NFX1: variants seen among roughly 807,000 people sequenced by gnomAD.
NFX1 encodes nuclear transcription factor, X-box binding 1, also known as transcriptional repressor NF-X1.
Under a neutral mutation model 137.2 loss-of-function variants are expected in NFX1, and 69 were observed. The observed-to-expected ratio is 0.50, with a 90% CI of 0.41 to 0.61. The LOEUF (loss-of-function observed/expected upper bound fraction) is 0.61. Among genes scored for constraint, NFX1 ranks in the 20% least tolerant of loss-of-function variants. The pLI is 0.00. For synonymous variants in NFX1, 495 were observed against 474.1 expected (o/e 1.04, Z -0.57); for missense variants, 1,167 against 1,391.0 (o/e 0.84, Z 2.56).
chr9:33,313,988 T>G (rs1386797985), intron 7 of NFX1, among the ~76,000 whole-genome samples, 195 bp downstream of exon 7: 2 of 151,578 alleles, frequency 1.3e-5, no homozygotes, highest in Middle Eastern at 6.3e-3. Context: ...CCTATATAAT[T>G]TTTTTTTTCT....
chr9:33,367,112 C>T (rs1384451381), intron 22 of NFX1, among the ~76,000 whole-genome samples: 1 of 152,250 alleles, frequency 6.6e-6, no homozygotes, highest in African/African-American at 2.4e-5. Context: ...TGTCTGTCCT[C>T]TCCTTGGCTC....
At chr9:33,326,441 G>A (rs1007467042) in intron 9 of NFX1, among the ~76,000 whole-genome samples, 1 of 147,516 alleles carries the variant, frequency 6.8e-6, no homozygotes, top group African/African-American at 2.5e-5. Flanking sequence ...AAAAAAAGCT[G>A]GGCACTGTAG....
chr9:33,307,350 G>C (rs778073373), intron 5 of NFX1, 51 bp downstream of exon 5: 9 of 1,498,194 alleles, frequency 6.0e-6, no homozygotes, highest in Non-Finnish European at 8.4e-6. Context: ...ATGCTTTGCT[G>C]GTGGCTCTAA....
At chr9:33,319,604 G>C (rs758191648) in intron 9 of NFX1, among the ~76,000 whole-genome samples, 3 of 152,146 alleles carry the variant, frequency 2.0e-5, no homozygotes, top group Non-Finnish European at 4.4e-5. Context: ...CTGACTCCTG[G>C]GCTCAAATGA....
chr9:33,309,748 C>G (rs938631337), intron 5 of NFX1, among the ~76,000 whole-genome samples: 1 of 152,226 alleles, frequency 6.6e-6, no homozygotes, highest in East Asian at 1.9e-4. Flanking sequence ...CCACCTCAGC[C>G]TCCCAAAGTG....
At chr9:33,328,826 G>A in intron 10 of NFX1, 148 bp downstream of exon 10, 1 of 591,800 alleles carries the variant, frequency 1.7e-6, no homozygotes, top group South Asian at 2.2e-5. Context: ...AGTGGGATAA[G>A]GCAAATATAC....
At chr9:33,369,097 G>A (rs530128901) in intron 23 of NFX1, among the ~76,000 whole-genome samples, 120 of 151,312 alleles carry the variant, frequency 7.9e-4, no homozygotes, top group Middle Eastern at 3.4e-3. Context: ...ATGGAGTCTC[G>A]CTCTGCCGCC....
At chr9:33,296,421 T>TA (rs1385927502) in intron 2 of NFX1, among the ~76,000 whole-genome samples, 3 of 152,166 alleles carry the variant, frequency 2.0e-5, no homozygotes, top group East Asian at 1.9e-4. Context: ...GACGAAGTCT[T>TA]ACTCATTTTT....
At chr9:33,355,539 C>T (rs979470435) in intron 19 of NFX1, among the ~76,000 whole-genome samples, 5 of 151,758 alleles carry the variant, frequency 3.3e-5, no homozygotes, top group African/African-American at 9.7e-5. Context: ...ATTTTTATTC[C>T]TGCATGATTT....
intron 19 of NFX1, among the ~76,000 whole-genome samples, chr9:33,356,246 T>G (rs1485077633): frequency 5.3e-5 from 8 of 152,248 alleles, no homozygotes. Flanking sequence ...TTGAGCACCT[T>G]TCTTGTAGTT....
intron 21 of NFX1, 48 bp downstream of exon 21, chr9:33,364,822 T>TG (rs1554711441): frequency 5.4e-5 from 86 of 1,588,312 alleles, no homozygotes; most frequent in Non-Finnish European, 7.3e-5. Flanking sequence ...GCCAGCTTGA[T>TG]GAAAAAAAAA....
At chr9:33,291,827 C>T (rs1821172773) in intron 1 of NFX1, among the ~76,000 whole-genome samples, 1 of 152,190 alleles carries the variant, frequency 6.6e-6, no homozygotes, top group Admixed American at 6.5e-5. Context: ...TGCTTGAACC[C>T]TGGAGGCGGA....
intron 6 of NFX1, 27 bp from the exon 7 acceptor site, chr9:33,313,627 C>G (rs776099743): frequency 6.2e-7 from 1 of 1,610,136 alleles, no homozygotes; most frequent in East Asian, 2.2e-5. Context: ...TACACTGATG[C>G]TGTCTTTACA....
At chr9:33,357,363 G>A (rs1246834618) in intron 19 of NFX1, among the ~76,000 whole-genome samples, 1 of 151,882 alleles carries the variant, frequency 6.6e-6, no homozygotes, top group Admixed American at 6.6e-5. Flanking sequence ...GTCTGTTTCT[G>A]AGCTCATCCT....
intron 13 of NFX1, 98 bp downstream of exon 13, chr9:33,342,952 T>C: frequency 1.3e-6 from 1 of 785,678 alleles, no homozygotes; most frequent in Non-Finnish European, 2.0e-6. Flanking sequence ...GTATGGATTC[T>C]TGAACTAAGC....
rs114609874 is a variant in NFX1, at chr9:33,291,933, G to C, written c.25+1336G>C. ...AAAAAGTTGGAAAACACACTGCATT[G>C]GTGTACCCTAGTCTTGATGTGGATA... On this transcript the variant is annotated intron_variant, in intron 1 of 23. Coordinates refer to ENST00000379540, the MANE Select transcript of NFX1 (RefSeq NM_002504.6). Among the ~76,000 whole-genome samples, 848 of 152,262 alleles carry C rather than the reference G, an allele frequency of 5.6e-3. 7 individuals carry two copies. Among genetic ancestry groups the C allele is most frequent in the Middle Eastern group, 0.017 (5 of 294 alleles).
chr9:33,357,245 T>C (rs566125925), intron 19 of NFX1, among the ~76,000 whole-genome samples: 2 of 152,104 alleles, frequency 1.3e-5, no homozygotes, highest in African/African-American at 4.8e-5. Context: ...GAGCTTGCAG[T>C]GAGCCGAGAT....
At position 33,335,215 on chromosome 9, in the gene NFX1, A is replaced by G. The variant is rs372548732; in HGVS notation, c.2035+2713A>G. 8.3e-4 allele frequency among the ~76,000 whole-genome samples: 117 copies of G among 140,912 alleles called. 3 individuals are homozygous for G. The South Asian group carries it at 0.024, about 29-fold the overall frequency. 92.4% of individuals were successfully genotyped at this position (140,912 alleles called of 152,430 possible). A position where few individuals can be genotyped will look rare whatever the true frequency, so the allele number is the denominator to read the frequency against. On this transcript the variant is annotated intron_variant, in intron 11 of 23. Transcript: ENST00000379540. Reference sequence around the variant, plus strand: ...TACATTTTTTCTTCTTCTCTATTTTATCTTTCTTTTTCTTTTTTTTTTTTT... The same window carrying G: ...TACATTTTTTCTTCTTCTCTATTTTGTCTTTCTTTTTCTTTTTTTTTTTTT...
chr9:33,324,856 G>A (rs917222157), intron 9 of NFX1, among the ~76,000 whole-genome samples: 1 of 151,344 alleles, frequency 6.6e-6, no homozygotes, highest in Non-Finnish European at 1.5e-5. Context: ...GTGAACCTGG[G>A]AGGCGGAGGT....
Sources: allele counts gnomAD v4.1 joint callset (sites outside exome capture counted in the v4.1 genomes callset), GRCh38; gene constraint gnomAD v4.1.1; transcripts MANE v1.5; gene names NCBI Gene and HGNC (gene_info 2026-07-23, HGNC 2026-07-21).